NIM1K: variants seen among roughly 807,000 people sequenced by gnomAD.
NIM1K encodes serine/threonine-protein kinase NIM1.
A neutral mutation model predicts 37.1 loss-of-function variants in NIM1K; 35 were observed. The ratio of observed to expected loss-of-function variants is 0.94; its 90% CI spans 0.72 to 1.25. The LOEUF (loss-of-function observed/expected upper bound fraction) is 1.25, where lower values mean the gene tolerates loss of function less well. NIM1K is among the 50% of genes most tolerant of loss of function. NIM1K has a pLI of 0.00. For missense variants in NIM1K, 564 were observed against 548.0 expected, an observed-to-expected ratio of 1.03 and a Z score of -0.29; for synonymous variants, 234 against 206.6, an observed-to-expected ratio of 1.13 and a Z score of -1.14.
chr5:43,255,488 C>T (rs532711002), intron 2 of NIM1K, among the ~76,000 whole-genome samples: 24 of 152,212 alleles, frequency 1.6e-4, no homozygotes, highest in Middle Eastern at 3.4e-3. Context: ...CGGTCGGTCA[C>T]GCCTGTAATC....
rs144228939 is a variant in NIM1K at position 43,215,886 on chromosome 5, C to T, written c.-695+23475C>T. On this transcript the variant is annotated intron_variant, in intron 1 of 3. Transcript: ENST00000326035. ...ATCCCTACGTTATTACTTACTACGC[C>T]AGTTTGGATTTGACATATTTTCTCT... Among the ~76,000 whole-genome samples the T allele has an allele frequency of 6.2e-3, 945 of 152,306 alleles. 9 individuals carry two copies. Among genetic ancestry groups the T allele is most frequent in the Non-Finnish European group, 9.8e-3 (669 of 68,030 alleles).
At chr5:43,200,852 G>A (rs1163635299) in intron 1 of NIM1K, among the ~76,000 whole-genome samples, 4 of 152,138 alleles carry the variant, frequency 2.6e-5, no homozygotes, top group African/African-American at 7.2e-5. Flanking sequence ...GTGGCTGGGC[G>A]CGTTGGCTCA....
chr5:43,237,040 A>T (rs967517518), intron 1 of NIM1K, among the ~76,000 whole-genome samples: 3 of 152,220 alleles, frequency 2.0e-5, no homozygotes, highest in Middle Eastern at 3.2e-3. Context: ...TTTGCTAATT[A>T]TTCTCCCTGA....
rs570282320 is a variant in NIM1K, at chr5:43,207,309, T to G, written c.-695+14898T>G. The G allele has an allele frequency of 2.6e-5, 20 of 763,858 alleles. No individual in the cohort carries two copies. The East Asian group carries it at 4.9e-4, about 19-fold the overall frequency. The allele number at this position is 763,858 out of a possible 1,614,324, so 47.3% of individuals were successfully genotyped here. ...AGAGATGGGGGCATATTGTGTGAAA[T>G]AGTCAAACTAAAACCAAAGATGGTC... On this transcript the variant is annotated intron_variant, in intron 1 of 3. Transcript: ENST00000326035.
At chr5:43,247,190 T>C (rs543490649) in intron 2 of NIM1K, among the ~76,000 whole-genome samples, 21 of 152,264 alleles carry the variant, frequency 1.4e-4, no homozygotes, top group Admixed American at 1.3e-3. Flanking sequence ...TCACCGGAGT[T>C]TCACGTCTTC....
chr5:43,234,490 T>C (rs1465182096), intron 1 of NIM1K, among the ~76,000 whole-genome samples: 1 of 152,172 alleles, frequency 6.6e-6, no homozygotes, highest in East Asian at 1.9e-4. Flanking sequence ...TAATCTTGTT[T>C]AATTTAAACT....
At chr5:43,248,872 TTTAA>T (rs887821966) in intron 2 of NIM1K, among the ~76,000 whole-genome samples, 3 of 151,270 alleles carry the variant, frequency 2.0e-5, no homozygotes, top group Non-Finnish European at 2.9e-5. Flanking sequence ...TTAAATTAAT[TTTAA>T]TTAATTAATT....
At chr5:43,230,512 A>G (rs1484669174) in intron 1 of NIM1K, among the ~76,000 whole-genome samples, 1 of 152,188 alleles carries the variant, frequency 6.6e-6, no homozygotes. Context: ...CCTCAGTTGG[A>G]TAGCAATGTG....
rs184072643 is a variant in NIM1K at position 43,254,216 on chromosome 5, A to C, written c.292+8149A>C. ...GATCAATGGTATGGGTGAGAGCAGG[A>C]CGGGACATGGGAGAGGAAGAATTGA... On this transcript the variant is annotated intron_variant, in intron 2 of 3. Coordinates refer to ENST00000326035, the MANE Select transcript of NIM1K (RefSeq NM_153361.4). Among the ~76,000 whole-genome samples, 50 of 152,326 alleles carry C rather than the reference A, an allele frequency of 3.3e-4. 1 individual carries two copies. The highest frequency in any genetic ancestry group is 5.9e-5 in the Non-Finnish European group (4 of 68,030).
At chr5:43,252,701 T>TTTGGA (rs1752883043) in intron 2 of NIM1K, among the ~76,000 whole-genome samples, 1 of 152,186 alleles carries the variant, frequency 6.6e-6, no homozygotes, top group Non-Finnish European at 1.5e-5. Flanking sequence ...TCCCTTGGGC[T>TTTGGA]CTCCAAGCTG....
chr5:43,266,840 G>A (rs1386232108), intron 2 of NIM1K, among the ~76,000 whole-genome samples: 1 of 152,084 alleles, frequency 6.6e-6, no homozygotes, highest in Non-Finnish European at 1.5e-5. Flanking sequence ...ATTTGCTATT[G>A]GATTCTGTTT....
rs1163921522 is a variant in NIM1K, at chr5:43,246,018, A to T, written c.243A>T (p.Gly81=). 6.2e-7 allele frequency: 1 copy of T among 1,613,886 alleles called. No individual in the cohort carries two copies. The highest frequency in any genetic ancestry group is 1.3e-5 in the African/African-American group (1 of 74,926). ...IGFYRIRGEI[G]SGNFSQVKLG... The stretch of plus-strand genomic sequence containing the variant: ...TCTACCGAATTCGAGGGGAAATCGG[A>T]AGTGGAAACTTCTCCCAAGTGAAGC... Residue 81 remains glycine, a synonymous_variant, in exon 2 of 4, where the codon GGA becomes GGT. Coordinates refer to ENST00000326035, the MANE Select transcript of NIM1K (RefSeq NM_153361.4).
chr5:43,249,695 A>G (rs1054321613), intron 2 of NIM1K, among the ~76,000 whole-genome samples: 1 of 152,196 alleles, frequency 6.6e-6, no homozygotes, highest in Admixed American at 6.5e-5. Flanking sequence ...TGCTCCAGTC[A>G]TGGACAAGGG....
chr5:43,207,644 A>G, intron 1 of NIM1K: 1 of 604,338 alleles, frequency 1.7e-6, no homozygotes, highest in Non-Finnish European at 3.2e-6. Flanking sequence ...GAACTGTGTC[A>G]ATCTGACGGA....
At chr5:43,249,242 T>G (rs1561086693) in intron 2 of NIM1K, among the ~76,000 whole-genome samples, 1 of 151,896 alleles carries the variant, frequency 6.6e-6, no homozygotes, top group Admixed American at 6.6e-5. Flanking sequence ...GCTAATTTTT[T>G]GTATTTTTAG....
chr5:43,212,748 T>C (rs971091938), intron 1 of NIM1K, among the ~76,000 whole-genome samples: 1 of 152,132 alleles, frequency 6.6e-6, no homozygotes, highest in East Asian at 1.9e-4. Context: ...GCTAAATATA[T>C]CACTGCGATT....
intron 1 of NIM1K, among the ~76,000 whole-genome samples, chr5:43,221,656 G>A (rs1752382906): frequency 6.6e-6 from 1 of 152,182 alleles, no homozygotes; most frequent in South Asian, 2.1e-4. Flanking sequence ...CACAGAAAAC[G>A]GAAGTGAGGT....
chr5:43,214,216 C>A (rs558369967), intron 1 of NIM1K, among the ~76,000 whole-genome samples: 21 of 152,226 alleles, frequency 1.4e-4, no homozygotes, highest in African/African-American at 4.8e-4. Context: ...CAGAGACAGG[C>A]CACATTCCCA....
intron 2 of NIM1K, among the ~76,000 whole-genome samples, chr5:43,274,997 G>A (rs1753316788): frequency 6.6e-6 from 1 of 152,126 alleles, no homozygotes; most frequent in Non-Finnish European, 1.5e-5. Flanking sequence ...AAGGAATGAT[G>A]TTTCACTTTG....
Sources: allele counts gnomAD v4.1 joint callset (sites outside exome capture counted in the v4.1 genomes callset), GRCh38; gene constraint gnomAD v4.1.1; transcripts MANE v1.5; gene names NCBI Gene and HGNC (gene_info 2026-07-23, HGNC 2026-07-21).